The following DST variants were observed in gnomAD, a reference collection of about 807,000 sequenced individuals.
DST encodes dystonin, also known as bullous pemphigoid antigen.
Under a neutral mutation model 875.2 loss-of-function variants are expected in DST, and 253 were observed. The ratio of observed to expected loss-of-function variants is 0.29; its 90% confidence interval spans 0.26 to 0.32. The LOEUF (loss-of-function observed/expected upper bound fraction) is 0.32, where lower values mean the gene tolerates loss of function less well. Among genes scored for constraint, DST ranks in the 10% least tolerant of loss-of-function variants. The pLI is 1.00. For synonymous variants in DST, 3,124 were observed against 3,197.1 expected (o/e 0.98, Z 0.77); for missense variants, 8,287 against 9,111.6 (o/e 0.91, Z 3.68).
Position 56,931,703 on chromosome 6 carries a change from G to A in DST, c.216+22082C>T, listed in dbSNP as rs1409905825. On this transcript the variant is annotated intron_variant, in intron 2 of 103. Transcript: ENST00000680361. ...GGATGTGAGACCTGGAGTCACAGAA[G>A]ATCATTTCGGAGCTTTAAAATTTGA... Among the ~76,000 whole-genome samples the A allele has an allele frequency of 2.6e-5, 4 of 152,214 alleles. No homozygotes were observed. In the East Asian group the frequency reaches 7.7e-4, roughly 29 times the overall value.
intron 4 of DST, among the ~76,000 whole-genome samples, chr6:56,773,977 G>A (rs938723693): frequency 3.9e-5 from 6 of 151,930 alleles, no homozygotes; most frequent in East Asian, 3.9e-4. Flanking sequence ...AAACAGGCAC[G>A]GTGGTATGCC....
rs147124522 is a variant in DST at position 56,635,607 on chromosome 6, G to T, written c.3168C>A (p.Asp1056Glu). 79 of 1,613,922 alleles carry T rather than the reference G, an allele frequency of 4.9e-5. No individual in the cohort carries two copies. In the African/African-American group the frequency reaches 8.8e-4, roughly 18 times the overall value. Residue 1056 changes from aspartate to glutamate, a missense_variant, in exon 24 of 104, where the codon GAC becomes GAA. Asp to Glu is a conservative substitution (Grantham distance 45). Transcript: ENST00000680361. ...DRSSSIHKLE[D>E]LVQESMEEKE... ...TTAGTACCATTGATTCCTGAACAAG[G>T]TCTTCTAGCTTGTGAATGCTGCTTG...
chr6:56,592,921 TAAAACAAGC>T (rs536603863), intron 48 of DST, among the ~76,000 whole-genome samples: 253 of 151,902 alleles, frequency 1.7e-3, no homozygotes, highest in African/African-American at 5.2e-3. Context: ...ACCACAGAAG[TAAAACAAGC>T]AAAACAGTCT....
At chr6:56,637,524 G>A (rs1046596954) in intron 22 of DST, among the ~76,000 whole-genome samples, 4 of 152,072 alleles carry the variant, frequency 2.6e-5, no homozygotes, top group African/African-American at 9.7e-5. Flanking sequence ...TTTTTGCTGG[G>A]ATGAGGTTTG....
At chr6:56,933,228 A>G (rs1221224601) in intron 2 of DST, among the ~76,000 whole-genome samples, 13 of 152,144 alleles carry the variant, frequency 8.5e-5, no homozygotes, top group Non-Finnish European at 1.9e-4. Flanking sequence ...GCAAAACAGA[A>G]AATCTTTTAA....
At position 56,492,377 on chromosome 6, in the gene DST, A is replaced by G. The variant is rs1279725350; in HGVS notation, c.20607T>C (p.Thr6869=). ...GACTAAAATATTTTAGGTGGGTTCC[A>G]GTTTTGTCCAGCTCTATTATCTGCT... The part of the protein sequence containing the change: ...HREQIIELDK[T]GTHLKYFSQK... Residue 6869 remains threonine, a synonymous_variant, in exon 85 of 104, where the codon ACT becomes ACC. Transcript: ENST00000680361. The G allele has an allele frequency of 1.9e-6, 3 of 1,613,756 alleles. No homozygotes were observed. The highest frequency in any genetic ancestry group is 1.7e-6 in the Non-Finnish European group (2 of 1,179,820).
chr6:56,873,626 T>C (rs1475400427), intron 3 of DST, among the ~76,000 whole-genome samples: 1 of 151,946 alleles, frequency 6.6e-6, no homozygotes, highest in Non-Finnish European at 1.5e-5. Flanking sequence ...AAGAGAAAAA[T>C]ATTGCCTGTT....
intron 69 of DST, among the ~76,000 whole-genome samples, chr6:56,523,166 G>A (rs1351438797): frequency 1.3e-5 from 2 of 152,006 alleles, no homozygotes; most frequent in Non-Finnish European, 2.9e-5. Context: ...GAATATCAAT[G>A]CCCGCAAATC....
At chr6:56,831,602 G>A (rs778510608) in intron 4 of DST, among the ~76,000 whole-genome samples, 8 of 151,922 alleles carry the variant, frequency 5.3e-5, no homozygotes, top group Non-Finnish European at 5.9e-5. Context: ...GTCCACTTTC[G>A]TCACCAAACT....
chr6:56,848,076 A>G (rs2099809130), intron 4 of DST, among the ~76,000 whole-genome samples: 1 of 152,204 alleles, frequency 6.6e-6, no homozygotes, highest in Non-Finnish European at 1.5e-5. Flanking sequence ...ACAATATATT[A>G]TTGCTAACTA....
chr6:56,536,008 A>C (rs544708660), intron 62 of DST, among the ~76,000 whole-genome samples: 62 of 152,364 alleles, frequency 4.1e-4, no homozygotes, highest in Non-Finnish European at 7.9e-4. Flanking sequence ...ACTTTAAAGA[A>C]TGAATAATAT....
chr6:56,743,957 C>T (rs2152941434), intron 4 of DST, among the ~76,000 whole-genome samples: 1 of 151,978 alleles, frequency 6.6e-6, no homozygotes, highest in East Asian at 1.9e-4. Context: ...AGTTCGAGAC[C>T]ACCTGCATGG....
At chr6:56,544,751 G>T (rs1355694872) in intron 61 of DST, among the ~76,000 whole-genome samples, 2 of 152,056 alleles carry the variant, frequency 1.3e-5, no homozygotes, top group Non-Finnish European at 2.9e-5. Flanking sequence ...TTATTGAACT[G>T]ATTTTTATAT....
chr6:56,470,955 C>CA (rs990809648), intron 95 of DST, 151 bp downstream of exon 95: 18 of 791,510 alleles, frequency 2.3e-5, no homozygotes, highest in Admixed American at 9.5e-5. Flanking sequence ...CAAATTTTAC[C>CA]AAAAAAACAT....
intron 2 of DST, among the ~76,000 whole-genome samples, chr6:56,929,476 A>G (rs1055346298): frequency 6.6e-6 from 1 of 152,174 alleles, no homozygotes; most frequent in Admixed American, 6.5e-5. Context: ...CTATCCATAT[A>G]AAAAGGGTAA....
intron 5 of DST, among the ~76,000 whole-genome samples, chr6:56,731,422 T>G (rs1441501315): frequency 6.6e-6 from 1 of 152,256 alleles, no homozygotes; most frequent in Admixed American, 6.5e-5. Context: ...TCTTTGCAAG[T>G]GTATAGAAAC....
chr6:56,779,245 T>G, intron 4 of DST, among the ~76,000 whole-genome samples: 1 of 152,048 alleles, frequency 6.6e-6, no homozygotes, highest in East Asian at 1.9e-4. Flanking sequence ...GTTTTTTTCC[T>G]GTAAATTTGC....
intron 4 of DST, among the ~76,000 whole-genome samples, chr6:56,820,782 T>C (rs1355944358): frequency 6.6e-6 from 1 of 152,222 alleles, no homozygotes; most frequent in African/African-American, 2.4e-5. Context: ...TAATTTCTTT[T>C]ACTTTTAGTT....
intron 2 of DST, among the ~76,000 whole-genome samples, chr6:56,941,260 T>A (rs1816395490): frequency 6.6e-6 from 1 of 152,188 alleles, no homozygotes; most frequent in Non-Finnish European, 1.5e-5. Context: ...TCATTTAGTT[T>A]AAAATATTTT....
Sources: gnomAD v4.1 joint callset for allele counts (sites outside exome capture counted in the v4.1 genomes callset) on GRCh38, gnomAD v4.1.1 for gene constraint, MANE v1.5 for transcripts, NCBI Gene and HGNC (gene_info 2026-07-23, HGNC 2026-07-21) for gene names.